The following GRK5 variants were observed in gnomAD, a reference collection of about 807,000 sequenced individuals.
The protein encoded by GRK5 is g protein-coupled receptor kinase GRK5.
Under a neutral mutation model 78.4 loss-of-function variants are expected in GRK5, and 40 were observed. The ratio of observed to expected loss-of-function variants is 0.51; its 90% CI spans 0.40 to 0.66. GRK5 has a LOEUF of 0.66. GRK5 is among the 30% of genes least tolerant of loss of function. GRK5 has a pLI of 0.00. For synonymous variants in GRK5, 289 were observed against 296.8 expected, an observed-to-expected ratio of 0.97 and a Z score of 0.27; for missense variants, 598 against 759.9, an observed-to-expected ratio of 0.79 and a Z score of 2.50.
chr10:119,295,658 C>T (rs2133712840), intron 1 of GRK5, among the ~76,000 whole-genome samples: 1 of 152,150 alleles, frequency 6.6e-6, no homozygotes, highest in South Asian at 2.1e-4. Flanking sequence ...TTTGCAGCGA[C>T]CTGGATGAGA....
intron 1 of GRK5, among the ~76,000 whole-genome samples, chr10:119,311,757 C>G (rs1473971691): frequency 1.3e-5 from 2 of 151,024 alleles, no homozygotes; most frequent in East Asian, 2.0e-4. Context: ...CCACTGCACT[C>G]CAGCCTGGGT....
chr10:119,357,970 G>A (rs1164066122), intron 2 of GRK5, among the ~76,000 whole-genome samples: 1 of 152,164 alleles, frequency 6.6e-6, no homozygotes, highest in Non-Finnish European at 1.5e-5. Context: ...GCAGATCCTG[G>A]TCCTCTCGGG....
chr10:119,450,015 G>A (rs1853243633), intron 13 of GRK5, among the ~76,000 whole-genome samples: 1 of 152,206 alleles, frequency 6.6e-6, no homozygotes, highest in African/African-American at 2.4e-5. Context: ...CTAGCGTAGA[G>A]CCAGGGTTGA....
At chr10:119,312,179 G>A (rs1305741056) in intron 1 of GRK5, among the ~76,000 whole-genome samples, 3 of 152,212 alleles carry the variant, frequency 2.0e-5, no homozygotes, top group Non-Finnish European at 2.9e-5. Context: ...GCCTCCCAAA[G>A]TGCTGGGATT....
At chr10:119,340,825 G>C (rs79119994) in intron 2 of GRK5, among the ~76,000 whole-genome samples, 225 of 152,358 alleles carry the variant, frequency 1.5e-3, no homozygotes, top group Admixed American at 3.3e-3. Flanking sequence ...GTGGCCAAAG[G>C]TGTTTCTGGC....
intron 3 of GRK5, among the ~76,000 whole-genome samples, chr10:119,385,922 T>C (rs1296705660): frequency 1.3e-5 from 2 of 151,966 alleles, no homozygotes; most frequent in African/African-American, 4.8e-5. Context: ...TCTTACTCGG[T>C]CACCCAGGCT....
At chr10:119,375,457 G>T (rs949833686) in intron 2 of GRK5, among the ~76,000 whole-genome samples, 1 of 152,218 alleles carries the variant, frequency 6.6e-6, no homozygotes, top group African/African-American at 2.4e-5. Flanking sequence ...ATGAGAGGAT[G>T]TCTTGCCCCC....
At chr10:119,367,367 C>T (rs895750991) in intron 2 of GRK5, among the ~76,000 whole-genome samples, 1 of 152,186 alleles carries the variant, frequency 6.6e-6, no homozygotes. Flanking sequence ...CTTCAGGACA[C>T]GAAGCCTAGC....
chr10:119,438,083 C>T (rs568954144), intron 9 of GRK5, among the ~76,000 whole-genome samples: 2 of 152,148 alleles, frequency 1.3e-5, no homozygotes, highest in South Asian at 2.1e-4. Context: ...AGTGAGACTC[C>T]GTCTCAAAAT....
intron 1 of GRK5, among the ~76,000 whole-genome samples, chr10:119,290,758 G>C (rs1241918549): frequency 6.6e-6 from 1 of 151,958 alleles, no homozygotes; most frequent in African/African-American, 2.4e-5. Flanking sequence ...CTTGGGCTGG[G>C]TTTCCCCTTC....
chr10:119,273,825 G>A (rs1186695036), intron 1 of GRK5, among the ~76,000 whole-genome samples: 1 of 152,132 alleles, frequency 6.6e-6, no homozygotes, highest in Non-Finnish European at 1.5e-5. Flanking sequence ...CAAGGCTGGA[G>A]TGCAGTGGTG....
chr10:119,295,870 C>T lies in GRK5; in HGVS notation c.53-30646C>T, dbSNP rs879712030. Among the ~76,000 whole-genome samples the T allele has an allele frequency of 2.8e-4, 43 of 152,054 alleles. 1 individual carries two copies. The East Asian group carries it at 5.6e-3, about 20-fold the overall frequency. ...GCGTATACTGCTTGGGTGATGGGTG[C>T]GCCAGAATCTCACAAATCACCACTA... On this transcript the variant is annotated intron_variant, in intron 1 of 15. Coordinates refer to ENST00000392870, the MANE Select transcript of GRK5 (RefSeq NM_005308.3).
chr10:119,363,055 G>A (rs1851391183), intron 2 of GRK5, among the ~76,000 whole-genome samples: 2 of 152,154 alleles, frequency 1.3e-5, no homozygotes, highest in Admixed American at 6.5e-5. Flanking sequence ...TGAGGCGGGT[G>A]GATCACCTGA....
At chr10:119,405,337 C>T (rs569638727) in intron 4 of GRK5, among the ~76,000 whole-genome samples, 2 of 152,156 alleles carry the variant, frequency 1.3e-5, no homozygotes, top group Admixed American at 1.3e-4. Context: ...TTCTCTGGGC[C>T]CTCCATAGAT....
At chr10:119,324,634 A>G (rs1267398393) in intron 1 of GRK5, among the ~76,000 whole-genome samples, 1 of 152,126 alleles carries the variant, frequency 6.6e-6, no homozygotes, top group Non-Finnish European at 1.5e-5. Flanking sequence ...TGTCTCAAAA[A>G]AAGAAAAAAA....
In GRK5 at chr10:119,444,371, G is replaced by A. The variant is rs144123560; in HGVS notation, c.1266+619G>A. 1.5e-3 allele frequency among the ~76,000 whole-genome samples: 235 copies of A among 152,260 alleles called. 1 individual carries two copies. Among genetic ancestry groups the A allele is most frequent in the African/African-American group, 5.6e-3 (233 of 41,534 alleles). On this transcript the variant is annotated intron_variant, in intron 12 of 15. Coordinates refer to ENST00000392870, the MANE Select transcript of GRK5 (RefSeq NM_005308.3). ...ACTGGAAGCCAGATAAGGAGTGACA[G>A]GAGCCATTGGAAGTGGGGGATATGG...
At chr10:119,405,889 G>A (rs767826587) in intron 4 of GRK5, among the ~76,000 whole-genome samples, 2 of 152,196 alleles carry the variant, frequency 1.3e-5, no homozygotes, top group Non-Finnish European at 2.9e-5. Context: ...ACTTAAAATA[G>A]ATGCGTTTTA....
chr10:119,221,049 G>A (rs778162826), intron 1 of GRK5, among the ~76,000 whole-genome samples: 21 of 151,874 alleles, frequency 1.4e-4, no homozygotes, highest in Middle Eastern at 3.4e-3. Flanking sequence ...CCAGCTACTC[G>A]GGAGGCTGAA....
At chr10:119,329,738 A>C (rs998548179) in intron 2 of GRK5, among the ~76,000 whole-genome samples, 1 of 152,022 alleles carries the variant, frequency 6.6e-6, no homozygotes, top group Non-Finnish European at 1.5e-5. Flanking sequence ...CTCAAAAAAC[A>C]AAAACAAAAA....
Sources: allele counts gnomAD v4.1 joint callset (sites outside exome capture counted in the v4.1 genomes callset), GRCh38; gene constraint gnomAD v4.1.1; transcripts MANE v1.5; gene names NCBI Gene and HGNC (gene_info 2026-07-23, HGNC 2026-07-21).